Variants in MAP3K9 observed in about 807,000 individuals in gnomAD.
MAP3K9 encodes the protein mixed lineage kinase 1 (tyr and ser/thr specificity).
In MAP3K9, 46 loss-of-function variants were observed where a neutral mutation model predicts 95.8. The observed-to-expected ratio is 0.48, with a 90% CI of 0.38 to 0.61. The LOEUF is 0.61. Among genes scored for constraint, MAP3K9 ranks in the 20% least tolerant of loss-of-function variants. MAP3K9 has a pLI of 0.00. For synonymous variants in MAP3K9, 533 were observed against 593.8 expected, an observed-to-expected ratio of 0.90 and a Z score of 1.49; for missense variants, 1,296 against 1,474.3, an observed-to-expected ratio of 0.88 and a Z score of 1.98.
intron 7 of MAP3K9, among the ~76,000 whole-genome samples, chr14:70,739,434 T>A (rs1308848732): frequency 1.3e-5 from 2 of 152,042 alleles, no homozygotes; most frequent in African/African-American, 4.8e-5. Flanking sequence ...CCAGCCGAAA[T>A]CTTGGATTTT....
Position 70,761,202 on chromosome 14 carries a change from C to T in MAP3K9, c.821-20G>A, listed in dbSNP as rs1418126624. On this transcript the variant is annotated intron_variant, in intron 2 of 11. Transcript: ENST00000554752. ...TCAATACTAGGCAAGGAAAAGAATA[C>T]AGAAGAAACCAGAGTCTGCATTAAT... 1 of 1,575,316 alleles carries T rather than the reference C, an allele frequency of 6.3e-7. No homozygotes were observed. The highest frequency in any genetic ancestry group is 2.3e-5 in the East Asian group (1 of 43,706).
chr14:70,765,146 T>C (rs1378451515), intron 2 of MAP3K9, among the ~76,000 whole-genome samples: 3 of 152,000 alleles, frequency 2.0e-5, no homozygotes. Context: ...CTGGCCAACA[T>C]AGCAAAAACC....
chr14:70,792,310 C>A (rs185887095), intron 2 of MAP3K9, among the ~76,000 whole-genome samples: 1 of 152,280 alleles, frequency 6.6e-6, no homozygotes, highest in Admixed American at 6.5e-5. Flanking sequence ...CTCCAACTCT[C>A]TGTTAAGAAG....
At chr14:70,733,774 A>G in intron 10 of MAP3K9, 3 of 718,412 alleles carry the variant, frequency 4.2e-6, no homozygotes, top group Non-Finnish European at 7.8e-6. Context: ...GTCGATGGGC[A>G]CCACCCAACT....
intron 1 of MAP3K9, among the ~76,000 whole-genome samples, chr14:70,806,263 G>A (rs1190330014): frequency 6.6e-6 from 1 of 152,184 alleles, no homozygotes; most frequent in Non-Finnish European, 1.5e-5. Flanking sequence ...GCACTGCACT[G>A]AAGTTTTATA....
intron 3 of MAP3K9, among the ~76,000 whole-genome samples, chr14:70,757,187 T>C (rs755949708): frequency 2.0e-5 from 3 of 152,064 alleles, no homozygotes; most frequent in Non-Finnish European, 4.4e-5. Flanking sequence ...AAGATGTCAA[T>C]AGGGCCAGGC....
chr14:70,801,114 A>T, intron 1 of MAP3K9, 34 bp from the exon 2 acceptor site: 1 of 1,577,644 alleles, frequency 6.3e-7, no homozygotes, highest in African/African-American at 1.4e-5. Context: ...AGCAAGTCAA[A>T]AACATCTTGA....
chr14:70,762,791 T>C, intron 2 of MAP3K9, among the ~76,000 whole-genome samples: 1 of 152,240 alleles, frequency 6.6e-6, no homozygotes, highest in East Asian at 1.9e-4. Context: ...ACTTTTGGTA[T>C]AATATCTAAG....
intron 3 of MAP3K9, among the ~76,000 whole-genome samples, chr14:70,759,743 A>G (rs796321415): frequency 3.3e-5 from 5 of 152,282 alleles, no homozygotes; most frequent in African/African-American, 1.2e-4. Flanking sequence ...TATACTAAAA[A>G]CCACTGACTT....
chr14:70,809,026 C>A lies in MAP3K9; in HGVS notation c.146G>T (p.Gly49Val). Residue 49 changes from glycine to valine, a missense_variant, in exon 1 of 12, where the codon GGC becomes GTC. By Grantham distance (109) the Gly-to-Val change is moderately radical. Around this residue, in one of 5 missense-constraint regions of MAP3K9, gnomAD observed 338 missense variants for 363.4 expected, o/e 0.93. Transcript: ENST00000554752. ...CCAGTAGGGCAGCGGCGCGTCGCAG[C>A]CCAGCTCCCCGGGGCCCACCGCCGC... is the stretch of plus-strand genomic sequence containing the variant. ...AAAAVGPGELGCDAPLPYWTA... is the reference protein window; with the variant it reads ...AAAAVGPGELVCDAPLPYWTA... 6.7e-7 allele frequency: 1 copy of A among 1,497,798 alleles called. No individual in the cohort carries two copies. The highest frequency in any genetic ancestry group is 8.9e-7 in the Non-Finnish European group (1 of 1,129,330). 92.8% of individuals were successfully genotyped at this position (1,497,798 alleles called of 1,614,324 possible). A position where few individuals can be genotyped will look rare whatever the true frequency, so the allele number is the denominator to read the frequency against.
chr14:70,738,874 G>C (rs1299134816), intron 7 of MAP3K9, among the ~76,000 whole-genome samples: 3 of 152,098 alleles, frequency 2.0e-5, no homozygotes, highest in Admixed American at 2.0e-4. Flanking sequence ...GGAAGAAAGA[G>C]GCCTAGAGAA....
chr14:70,765,994 C>A (rs972234736), intron 2 of MAP3K9, among the ~76,000 whole-genome samples: 4 of 151,710 alleles, frequency 2.6e-5, no homozygotes, highest in Admixed American at 2.6e-4. Context: ...GGCAGTGGAA[C>A]AGAAAGGAAA....
At chr14:70,760,170 C>CACACACACAT (rs1555369566) in intron 3 of MAP3K9, among the ~76,000 whole-genome samples, 1 of 151,220 alleles carries the variant, frequency 6.6e-6, no homozygotes, top group African/African-American at 2.4e-5. Context: ...CACACACACA[C>CACACACACAT]ACATACACAG....
In MAP3K9 at chr14:70,740,091, G is replaced by A. The variant is rs1422003366; in HGVS notation, c.1641C>T (p.Ser547=). Residue 547 remains serine (S), a synonymous_variant, in exon 7 of 12, where the codon TCC becomes TCT. Coordinates refer to ENST00000554752, the MANE Select transcript of MAP3K9 (RefSeq NM_001284230.2). ...DKRKSLINSR[S]SPPASPTIIP... Reference sequence around the variant, plus strand: ...TGATGGTGGGGCTTGCAGGAGGACTGGAGCGGCTGTTGATAAGACTCTTCC... The same window carrying A: ...TGATGGTGGGGCTTGCAGGAGGACTAGAGCGGCTGTTGATAAGACTCTTCC... The A allele has an allele frequency of 1.9e-6, 3 of 1,614,174 alleles. No individual in the cohort carries two copies. Among genetic ancestry groups the A allele is most frequent in the South Asian group, 2.2e-5 (2 of 91,074 alleles).
In MAP3K9 at chr14:70,809,110, C is replaced by CCCGGCGGGGCGGCA. The variant is rs2055036682; in HGVS notation, c.48_61dup (p.Gly21ValfsTer56). On this transcript the variant is annotated frameshift_variant, in exon 1 of 12. Transcript: ENST00000554752. LOFTEE classifies it high-confidence loss of function. ...GGCCCCGGCCCCTGCTCCATCCTCC[C>CCCGGCGGGGCGGCA]CCGGCGGGGCGGCAGCGGCGGCGCT... 2 of 1,383,482 alleles carry CCCGGCGGGGCGGCA rather than the reference C, an allele frequency of 1.4e-6. No individual in the cohort carries two copies. The highest frequency in any genetic ancestry group is 6.0e-5 in the East Asian group (2 of 33,536). The allele number at this position is 1,383,482 out of a possible 1,614,324, so 85.7% of individuals were successfully genotyped here.
At chr14:70,798,214 A>G (rs1658510653) in intron 2 of MAP3K9, among the ~76,000 whole-genome samples, 1 of 152,158 alleles carries the variant, frequency 6.6e-6, no homozygotes, top group Non-Finnish European at 1.5e-5. Context: ...AGAGGTAAAA[A>G]CGTGTATGAA....
chr14:70,807,920 C>A (rs561917707), intron 1 of MAP3K9, among the ~76,000 whole-genome samples: 3 of 152,182 alleles, frequency 2.0e-5, no homozygotes, highest in Non-Finnish European at 4.4e-5. Context: ...CTGGGAGGGA[C>A]CCCTGAGCAT....
At chr14:70,733,860 C>T in intron 10 of MAP3K9, 1 of 716,410 alleles carries the variant, frequency 1.4e-6, no homozygotes, top group Non-Finnish European at 2.6e-6. Flanking sequence ...CTCTCTGTTT[C>T]TCCCTTCTGG....
intron 2 of MAP3K9, among the ~76,000 whole-genome samples, chr14:70,768,864 C>A (rs1235226705): frequency 1.3e-5 from 2 of 152,186 alleles, no homozygotes; most frequent in African/African-American, 4.8e-5. Context: ...TAAATGCTCA[C>A]CTTGGTGCCA....
Sources: gnomAD v4.1 joint callset for allele counts (sites outside exome capture counted in the v4.1 genomes callset) on GRCh38, gnomAD v4.1.1 for gene constraint, gnomAD v4.1.1 regional missense constraint, MANE v1.5 for transcripts, NCBI Gene and HGNC (gene_info 2026-07-23, HGNC 2026-07-21) for gene names.